Variants in PRPF4 observed in about 807,000 individuals in gnomAD.
PRPF4 encodes U4/U6 small nuclear ribonucleoprotein Prp4.
Under a neutral mutation model 72.2 loss-of-function variants are expected in PRPF4, and 14 were observed. That is an observed-to-expected ratio of 0.19 (90% CI 0.13 to 0.30). The LOEUF is 0.30. Among genes scored for constraint, PRPF4 ranks in the 10% least tolerant of loss-of-function variants. The probability of loss-of-function intolerance (pLI) is 1.00; values close to 1 mark genes in which losing one functional copy is unlikely to be tolerated. For missense variants in PRPF4, 478 were observed against 653.9 expected (o/e 0.73, Z 2.93); for synonymous variants, 225 against 232.2 (o/e 0.97, Z 0.28).
In PRPF4 at chr9:113,284,362, A is replaced by G. The variant is rs200264755; in HGVS notation, c.722A>G (p.Asn241Ser). ...RPISYCHFSP[N>S]SKMLATACWS... is the part of the protein sequence containing the mutation. Reference sequence around the variant, plus strand: ...ATCTCCTACTGTCACTTTAGTCCCAATTCCAAGATGCTGGCCACAGCTTGT... The same window carrying G: ...ATCTCCTACTGTCACTTTAGTCCCAGTTCCAAGATGCTGGCCACAGCTTGT... The change falls in exon 7 of 14, where the codon AAT (asparagine) becomes AGT (serine). Residue 241 changes from asparagine (N) to serine (S), a missense_variant. By Grantham distance (46) the Asn-to-Ser change is conservative (BLOSUM62 1). Transcript: ENST00000374198. 36 of 1,612,790 alleles carry G rather than the reference A, an allele frequency of 2.2e-5. No individual in the cohort carries two copies. The highest frequency in any genetic ancestry group is 3.3e-4 in the Middle Eastern group (2 of 6,084).
chr9:113,290,257 C>G (rs1017255246), intron 10 of PRPF4, among the ~76,000 whole-genome samples: 5 of 151,140 alleles, frequency 3.3e-5, no homozygotes, highest in Non-Finnish European at 7.4e-5. Flanking sequence ...AGGTTTACAG[C>G]GATTCCATGG....
chr9:113,290,992 T>G lies in PRPF4; in HGVS notation c.1348T>G (p.Leu450Val). Residue 450 changes from leucine (L) to valine (V), a missense_variant, in exon 13 of 14, where the codon TTA becomes GTA. Leu to Val is a conservative substitution (Grantham distance 32). Transcript: ENST00000374198. ...CVYTIPAHQNLVTGVKFEPIH... is the reference protein window; with the variant it reads ...CVYTIPAHQNVVTGVKFEPIH... ...CTACACCATCCCTGCTCATCAGAAC[T>G]TAGTGACTGGTGTCAAGTTTGAGCG... 6.2e-7 allele frequency: 1 copy of G among 1,614,090 alleles called. No individual in the cohort carries two copies. Among genetic ancestry groups the G allele is most frequent in the Non-Finnish European group, 8.5e-7 (1 of 1,179,910 alleles).
chr9:113,283,628 CATCAGTT>C (rs1371287892), intron 6 of PRPF4, 146 bp downstream of exon 6: 1 of 758,546 alleles, frequency 1.3e-6, no homozygotes, highest in African/African-American at 1.8e-5. Context: ...TGGAAGGAGC[CATCAGTT>C]AATGTGGCAG....
chr9:113,285,343 A>ATTTTT lies in PRPF4; in HGVS notation c.750-840_750-836dup, dbSNP rs71367713. ...CAATAGTGAGACCCTGTCTCTACAA[A>ATTTTT]TTTTTTTTTTTTTTTTTTTTTTTTT... On this transcript the variant is annotated intron_variant, in intron 7 of 13. Coordinates refer to ENST00000374198, the MANE Select transcript of PRPF4 (RefSeq NM_001244926.2). Among the ~76,000 whole-genome samples, 38 of 67,574 alleles carry ATTTTT rather than the reference A, an allele frequency of 5.6e-4. 5 individuals are homozygous for ATTTTT. The highest frequency in any genetic ancestry group is 9.3e-4 in the East Asian group (2 of 2,154). 44.3% of individuals were successfully genotyped at this position (67,574 alleles called of 152,430 possible). A position where few individuals can be genotyped will look rare whatever the true frequency, so the allele number is the denominator to read the frequency against.
intron 13 of PRPF4, 116 bp downstream of exon 13, chr9:113,291,132 T>C (rs1564260438): frequency 5.5e-6 from 6 of 1,098,418 alleles, no homozygotes; most frequent in African/African-American, 1.5e-5. Flanking sequence ...GAAATTGACC[T>C]ACTGGTAAAG....
intron 10 of PRPF4, 117 bp downstream of exon 10, chr9:113,288,381 C>G: frequency 1.1e-6 from 1 of 905,552 alleles, no homozygotes; most frequent in African/African-American, 1.7e-5. Flanking sequence ...TTTTCTTGGG[C>G]TGCAGGGAAT....
At chr9:113,290,443 T>C in intron 10 of PRPF4, 23 bp from the exon 11 acceptor site, 1 of 1,613,950 alleles carries the variant, frequency 6.2e-7, no homozygotes. Context: ...AGCTGGTTGA[T>C]TGTTAGTGTG....
At chr9:113,283,701 C>T (rs999427232) in intron 6 of PRPF4, among the ~76,000 whole-genome samples, 3 of 152,030 alleles carry the variant, frequency 2.0e-5, no homozygotes, top group African/African-American at 7.2e-5. Flanking sequence ...TTTATTTCTC[C>T]CCGTTAATAT....
chr9:113,286,317 G>A (rs771847424), intron 8 of PRPF4, 27 bp downstream of exon 8: 57 of 1,582,574 alleles, frequency 3.6e-5, no homozygotes, highest in Admixed American at 1.5e-4. Flanking sequence ...TCCAAATCTC[G>A]GTCTTTTTCC....
At chr9:113,288,711 A>G (rs556809682) in intron 10 of PRPF4, among the ~76,000 whole-genome samples, 1 of 152,152 alleles carries the variant, frequency 6.6e-6, no homozygotes, top group African/African-American at 2.4e-5. Flanking sequence ...TGCTGGGATT[A>G]TAGATAACAG....
chr9:113,291,246 A>G lies in PRPF4; in HGVS notation c.1373-221A>G, dbSNP rs571656597. On this transcript the variant is annotated intron_variant, in intron 13 of 13. Transcript: ENST00000374198. ...CAGACTTTCATGAGTGCTTTGCTTC[A>G]TTCTTTCCTCCATGGATGCTCTGAG... is the stretch of plus-strand genomic sequence containing the variant. Among the ~76,000 whole-genome samples, 9 of 152,334 alleles carry G rather than the reference A, an allele frequency of 5.9e-5. No individual in the cohort carries two copies. In the East Asian group the frequency reaches 1.5e-3, roughly 26 times the overall value.
At chr9:113,276,079 A>G (rs1330536158) in intron 1 of PRPF4, among the ~76,000 whole-genome samples, 3 of 152,252 alleles carry the variant, frequency 2.0e-5, no homozygotes, top group Non-Finnish European at 4.4e-5. Context: ...GGCAGATCTC[A>G]GAATTTTAAT....
rs190632773 is a variant in PRPF4 at position 113,276,942 on chromosome 9, G to A, written c.205+217G>A. ...CAGTTCTCCTGCTTCAGCCTCCCGA[G>A]TAGCTGGGATTACAGGCGCACACCA... On this transcript the variant is annotated intron_variant, in intron 2 of 13. Transcript: ENST00000374198. Among the ~76,000 whole-genome samples, 234 of 151,906 alleles carry A rather than the reference G, an allele frequency of 1.5e-3. 1 individual carries two copies. Among genetic ancestry groups the A allele is most frequent in the African/African-American group, 5.5e-3 (228 of 41,374 alleles).
At chr9:113,277,534 C>T (rs149000414) in intron 2 of PRPF4, among the ~76,000 whole-genome samples, 2,664 of 152,000 alleles carry the variant, frequency 0.018, 43 homozygotes, top group Middle Eastern at 0.031. Flanking sequence ...TACAGGTGCC[C>T]GCCACCACAC....
chr9:113,289,750 T>A (rs78171311), intron 10 of PRPF4, among the ~76,000 whole-genome samples: 3,042 of 152,354 alleles, frequency 0.02, 99 homozygotes, highest in African/African-American at 0.069. Flanking sequence ...GTTATTTCTG[T>A]ACTTCCTATT....
chr9:113,276,210 C>G (rs940905655), intron 1 of PRPF4, among the ~76,000 whole-genome samples: 3 of 152,164 alleles, frequency 2.0e-5, no homozygotes, highest in Non-Finnish European at 2.9e-5. Context: ...TAGTATTTCC[C>G]CAGTGATAAG....
intron 10 of PRPF4, among the ~76,000 whole-genome samples, chr9:113,289,171 G>A (rs541577791): frequency 5.9e-5 from 9 of 152,308 alleles, no homozygotes; most frequent in African/African-American, 1.2e-4. Flanking sequence ...AGTCATTCAT[G>A]TTGTTGCATG....
At chr9:113,286,866 T>G (rs1391628425) in intron 9 of PRPF4, 38 bp downstream of exon 9, 3 of 1,613,484 alleles carry the variant, frequency 1.9e-6, no homozygotes, top group Non-Finnish European at 2.5e-6. Flanking sequence ...CTGCCATCAC[T>G]AAAGTAGATG....
intron 7 of PRPF4, among the ~76,000 whole-genome samples, chr9:113,285,422 A>G (rs548781539): frequency 1.2e-4 from 14 of 117,726 alleles, no homozygotes; most frequent in African/African-American, 3.6e-4. Flanking sequence ...ACTTTCGGCC[A>G]GGCTGGAGTG....
Sources: gnomAD v4.1 joint callset for allele counts (sites outside exome capture counted in the v4.1 genomes callset) on GRCh38, gnomAD v4.1.1 for gene constraint, MANE v1.5 for transcripts, NCBI Gene and HGNC (gene_info 2026-07-23, HGNC 2026-07-21) for gene names.